PPL: variants seen among roughly 807,000 people sequenced by gnomAD.
PPL encodes periplakin.
Under a neutral mutation model 194.4 loss-of-function variants are expected in PPL, and 198 were observed. The observed-to-expected ratio is 1.02, with a 90% CI of 0.91 to 1.15. The LOEUF (loss-of-function observed/expected upper bound fraction) is 1.15, where lower values mean the gene tolerates loss of function less well. Among genes scored for constraint, PPL ranks in the 50% most tolerant of loss-of-function variants. The pLI, the probability that PPL is intolerant of heterozygous loss-of-function variation, is 0.00. For synonymous variants in PPL, 1,220 were observed against 972.4 expected (o/e 1.25, Z -4.74); for missense variants, 2,885 against 2,294.8 (o/e 1.26, Z -5.25).
intron 2 of PPL, 128 bp downstream of exon 2, chr16:4,910,722 G>T: frequency 1.2e-6 from 1 of 825,432 alleles, no homozygotes; most frequent in Non-Finnish European, 2.0e-6. Flanking sequence ...CAACCAAAAT[G>T]TCTCTGCATG....
chr16:4,917,893 A>C (rs887162603), intron 1 of PPL, among the ~76,000 whole-genome samples: 1 of 149,196 alleles, frequency 6.7e-6, no homozygotes, highest in African/African-American at 2.5e-5. Context: ...TGAGAGTGAG[A>C]CCCTGTCTCA....
At chr16:4,912,625 C>A (rs1210191189) in intron 1 of PPL, among the ~76,000 whole-genome samples, 1 of 152,358 alleles carries the variant, frequency 6.6e-6, no homozygotes, top group South Asian at 2.1e-4. Context: ...AACTTCTCTC[C>A]CCATTTTAAT....
chr16:4,899,452 C>A, intron 6 of PPL, 68 bp from the exon 7 acceptor site: 1 of 1,532,288 alleles, frequency 6.5e-7, no homozygotes, highest in Non-Finnish European at 8.8e-7. Flanking sequence ...TCCTTCCCTA[C>A]CTCCTGCAGG....
intron 11 of PPL, among the ~76,000 whole-genome samples, 185 bp downstream of exon 11, chr16:4,895,076 A>G (rs1034300962): frequency 1.3e-5 from 2 of 152,212 alleles, no homozygotes; most frequent in African/African-American, 4.8e-5. Context: ...ACACAAGGCC[A>G]GGGCAGCCGA....
intron 1 of PPL, among the ~76,000 whole-genome samples, chr16:4,933,170 A>G (rs1003663236): frequency 8.6e-5 from 13 of 151,926 alleles, no homozygotes; most frequent in Non-Finnish European, 7.4e-5. Context: ...CCCAGCTAAT[A>G]AAACACTGTG....
chr16:4,918,375 C>T (rs955240706), intron 1 of PPL, among the ~76,000 whole-genome samples: 3 of 151,946 alleles, frequency 2.0e-5, no homozygotes, highest in Non-Finnish European at 4.4e-5. Flanking sequence ...CCTCTTGTCT[C>T]ATTCTCCAGG....
chr16:4,897,528 A>C, intron 9 of PPL, 147 bp downstream of exon 9: 2 of 621,474 alleles, frequency 3.2e-6, no homozygotes, highest in South Asian at 3.9e-5. Context: ...ACGCCATCAG[A>C]AGCATGGGTG....
chr16:4,904,307 T>C lies in PPL; in HGVS notation c.163-267A>G, dbSNP rs541462959. On this transcript the variant is annotated intron_variant, in intron 2 of 21. Transcript: ENST00000345988. ...AGCCACTCAGCAAACAGAGCTCAAG[T>C]ACCTACTGTATGCAAGGAGTTGGGA... 1.3e-4 allele frequency among the ~76,000 whole-genome samples: 20 copies of C among 152,304 alleles called. No homozygotes were observed. The South Asian group carries it at 4.1e-3, about 32-fold the overall frequency.
intron 2 of PPL, 129 bp from the exon 3 acceptor site, chr16:4,904,169 C>T: frequency 9.8e-7 from 1 of 1,020,010 alleles, no homozygotes; most frequent in Non-Finnish European, 1.4e-6. Context: ...GTCTTCCAGG[C>T]TTGTCCATAT....
intron 1 of PPL, among the ~76,000 whole-genome samples, chr16:4,919,221 C>T (rs4038782): frequency 0.61 from 92,301 of 152,076 alleles, 30,767 homozygotes; most frequent in Middle Eastern, 0.74. Flanking sequence ...CATCCAGCCC[C>T]ACCTGCTCAT....
chr16:4,920,367 G>GAAAGAAAGAAAGAAAGAAAGAAAC (rs2089024211), intron 1 of PPL, among the ~76,000 whole-genome samples: 1 of 72,240 alleles, frequency 1.4e-5, no homozygotes, highest in African/African-American at 2.9e-5. Context: ...AAGAAAGAAA[G>GAAAGAAAGAAAGAAAGAAAGAAAC]AAAGGACACC....
chr16:4,883,047 T>G lies in PPL; in HGVS notation c.*337A>C, dbSNP rs1269516932. ...CAAGGAGTGGGCTTGGCTGCTGTGG[T>G]TGGCTTGTCCTTCAGTGGTTTTCAG... On this transcript the variant is annotated 3_prime_UTR_variant, in exon 22 of 22. Transcript: ENST00000345988. This position sits in a 1 kb window ranked among gnomAD's most constrained non-coding sequence, Gnocchi z 4.8. The G allele has an allele frequency of 4.7e-5, 14 of 295,318 alleles. No individual in the cohort carries two copies. Among genetic ancestry groups the G allele is most frequent in the Non-Finnish European group, 7.7e-5 (12 of 154,888 alleles). 18.3% of individuals were successfully genotyped at this position (295,318 alleles called of 1,614,324 possible).
intron 2 of PPL, among the ~76,000 whole-genome samples, 192 bp from the exon 3 acceptor site, chr16:4,904,232 T>A (rs990013017): frequency 2.0e-5 from 3 of 152,198 alleles, no homozygotes; most frequent in Non-Finnish European, 4.4e-5. Flanking sequence ...TTTCTCAAGT[T>A]CACTTTGCAA....
intron 3 of PPL, 115 bp downstream of exon 3, chr16:4,903,771 A>G: frequency 1.6e-6 from 2 of 1,242,344 alleles, no homozygotes; most frequent in Non-Finnish European, 2.2e-6. Flanking sequence ...CGTGCCTGGC[A>G]CCTAATTAGC....
chr16:4,913,458 G>A (rs145016870), intron 1 of PPL, among the ~76,000 whole-genome samples: 19 of 152,312 alleles, frequency 1.2e-4, no homozygotes, highest in South Asian at 1.0e-3. Flanking sequence ...CCAAAGGACT[G>A]TGCATAGAGC....
intron 1 of PPL, among the ~76,000 whole-genome samples, chr16:4,927,850 C>G (rs183752528): frequency 4.7e-4 from 72 of 152,346 alleles, no homozygotes; most frequent in African/African-American, 1.7e-3. Context: ...GCTCCTTTTA[C>G]AAACATACAG....
Position 4,893,616 on chromosome 16 carries a change from C to G in PPL, c.1417G>C (p.Val473Leu). Reference protein sequence around the residue: ...ADSLGSQYRSVRQKAAGSKRT... With the variant: ...ADSLGSQYRSLRQKAAGSKRT... ...TTGCTCCCAGCTGCCTTCTGCCGCA[C>G]GCTCCGGTACTGGCTGCCCAGGCTG... The change falls in exon 13 of 22, where the codon GTG becomes CTG. Residue 473 changes from valine (V) to leucine (L), a missense_variant. Coordinates refer to ENST00000345988, the MANE Select transcript of PPL (RefSeq NM_002705.5). 4.4e-6 allele frequency: 7 copies of G among 1,602,232 alleles called. No individual in the cohort carries two copies. The highest frequency in any genetic ancestry group is 6.0e-6 in the Non-Finnish European group (7 of 1,176,408).
chr16:4,933,106 A>T (rs2089246921), intron 1 of PPL, among the ~76,000 whole-genome samples: 2 of 151,346 alleles, frequency 1.3e-5, no homozygotes, highest in Admixed American at 1.3e-4. Context: ...GGTTCAAGGG[A>T]TTCTCCTGCT....
chr16:4,924,828 C>T (rs577951234), intron 1 of PPL, among the ~76,000 whole-genome samples: 56 of 152,026 alleles, frequency 3.7e-4, no homozygotes, highest in African/African-American at 1.1e-3. Flanking sequence ...CTTCTCCAGG[C>T]TGCGAGAGCA....
Sources: gnomAD v4.1 joint callset for allele counts (sites outside exome capture counted in the v4.1 genomes callset) on GRCh38, gnomAD v4.1.1 for gene constraint, Gnocchi (gnomAD v3.1) non-coding constraint, MANE v1.5 for transcripts, NCBI Gene and HGNC (gene_info 2026-07-23, HGNC 2026-07-21) for gene names.